RGL1: variants seen among roughly 807,000 people sequenced by gnomAD.
RGL1 encodes ral guanine nucleotide dissociation stimulator-like 1.
RGL1 carries 24 observed loss-of-function variants against 95.2 expected under a neutral mutation model. That is an observed-to-expected ratio of 0.25 (90% confidence interval 0.18 to 0.35). The LOEUF (loss-of-function observed/expected upper bound fraction) is 0.35, where lower values mean the gene tolerates loss of function less well. Ranked by LOEUF, RGL1 falls within the 10% of genes least tolerant of loss-of-function variation. RGL1 has a pLI of 1.00. For missense variants in RGL1, 715 were observed against 936.3 expected, an observed-to-expected ratio of 0.76 and a Z score of 3.08; for synonymous variants, 329 against 344.9, an observed-to-expected ratio of 0.95 and a Z score of 0.51.
At chr1:183,758,062 C>T (rs1352444977) in intron 2 of RGL1, among the ~76,000 whole-genome samples, 2 of 152,200 alleles carry the variant, frequency 1.3e-5, no homozygotes, top group African/African-American at 4.8e-5. Context: ...GAGTCATAAT[C>T]TTCTTCCATT....
chr1:183,686,866 A>G (rs2102097754), intron 1 of RGL1, among the ~76,000 whole-genome samples: 1 of 152,338 alleles, frequency 6.6e-6, no homozygotes, highest in Non-Finnish European at 1.5e-5. Flanking sequence ...TTGACTTGGC[A>G]ATAAAGAGAA....
chr1:183,690,422 G>T (rs1222738310), intron 1 of RGL1, among the ~76,000 whole-genome samples: 1 of 152,082 alleles, frequency 6.6e-6, no homozygotes, highest in Non-Finnish European at 1.5e-5. Context: ...AAGTCTTAAA[G>T]AAAGGGAAAA....
At chr1:183,738,324 G>A (rs530076359) in intron 1 of RGL1, among the ~76,000 whole-genome samples, 25 of 152,140 alleles carry the variant, frequency 1.6e-4, no homozygotes, top group Non-Finnish European at 3.5e-4. Context: ...GGGAGGCTGA[G>A]GCATGAGAAT....
Position 183,926,196 on chromosome 1 carries a change from A to T in RGL1, c.2211A>T (p.Glu737Asp). Residue 737 changes from glutamate (E) to aspartate (D), a missense_variant, in exon 18 of 18, where the codon GAA becomes GAT. Coordinates refer to ENST00000360851, the MANE Select transcript of RGL1 (RefSeq NM_001297671.3). ...TTTTGCGCAAAAAGAACTCCATGGA[A>T]GAACAAGTGAAACTGCGTAGCCGGA... ...DFILRKKNSM[E>D]EQVKLRSRTS... The T allele has an allele frequency of 1.2e-6, 2 of 1,614,140 alleles. No individual in the cohort carries two copies. The highest frequency in any genetic ancestry group is 1.7e-6 in the Non-Finnish European group (2 of 1,179,994).
chr1:183,817,297 T>C (rs571679720), intron 2 of RGL1, among the ~76,000 whole-genome samples: 3 of 152,350 alleles, frequency 2.0e-5, no homozygotes, highest in African/African-American at 7.2e-5. Flanking sequence ...CTATGTTTTC[T>C]TCTCTCTTTC....
chr1:183,656,244 G>A (rs1444096583), intron 1 of RGL1, among the ~76,000 whole-genome samples: 1 of 151,886 alleles, frequency 6.6e-6, no homozygotes. Context: ...TTTCCCCGTG[G>A]GATCTGAGAC....
At chr1:183,759,310 T>A (rs892070637) in intron 2 of RGL1, among the ~76,000 whole-genome samples, 2 of 152,160 alleles carry the variant, frequency 1.3e-5, no homozygotes, top group Admixed American at 1.3e-4. Context: ...ATGTTTGGGA[T>A]TGGTTAGTTT....
At chr1:183,877,597 G>T (rs555646874) in intron 4 of RGL1, among the ~76,000 whole-genome samples, 1 of 152,238 alleles carries the variant, frequency 6.6e-6, no homozygotes, top group East Asian at 1.9e-4. Flanking sequence ...GCTCTGCCTC[G>T]TGTTCTATTG....
intron 11 of RGL1, among the ~76,000 whole-genome samples, chr1:183,902,186 T>G (rs1283595087): frequency 6.6e-6 from 1 of 152,234 alleles, no homozygotes; most frequent in Non-Finnish European, 1.5e-5. Context: ...TGACTTCCCT[T>G]TTGATAAACC....
chr1:183,847,689 A>C lies in RGL1; in HGVS notation c.262A>C (p.Asn88His), dbSNP rs762374391. ...VENLLTAFGD[N>H]DFTYISIFLS... is the part of the protein sequence containing the mutation. ...GAACCTGCTGACAGCTTTTGGGGAC[A>C]ATGACTTTACCTATATCAGCATCTT... Residue 88 changes from asparagine to histidine, a missense_variant, in exon 3 of 18, where the codon AAT (asparagine) becomes CAT (histidine). Physicochemically the swap from Asn to His is moderately conservative, Grantham distance 68. This residue lies in a region of RGL1 where 381 missense variants were observed against 484.8 expected (regional missense o/e 0.79). Transcript: ENST00000360851. 3 of 1,614,144 alleles carry C rather than the reference A, an allele frequency of 1.9e-6. No homozygotes were observed. Among genetic ancestry groups the C allele is most frequent in the Non-Finnish European group, 1.7e-6 (2 of 1,179,972 alleles).
At chr1:183,663,984 G>A (rs1227550339) in intron 1 of RGL1, among the ~76,000 whole-genome samples, 1 of 147,534 alleles carries the variant, frequency 6.8e-6, no homozygotes, top group East Asian at 2.0e-4. Flanking sequence ...AGCACCGCAT[G>A]TTCTCACTCA....
intron 2 of RGL1, among the ~76,000 whole-genome samples, chr1:183,766,093 TA>T (rs111374919): frequency 0.021 from 2,977 of 142,754 alleles, 118 homozygotes; most frequent in African/African-American, 0.07. Flanking sequence ...ATAATAAAAT[TA>T]AAAAAAAAAA....
In RGL1 at chr1:183,926,344, A is replaced by G. The variant is rs543926252; in HGVS notation, c.*52A>G. ...GCCAAAGGCAGAGTGGGGCTGAGAA[A>G]CAGGCTGCGGTGATTGCAATTACCA... is the stretch of plus-strand genomic sequence containing the variant. On this transcript the variant is annotated 3_prime_UTR_variant, in exon 18 of 18. Coordinates refer to ENST00000360851, the MANE Select transcript of RGL1 (RefSeq NM_001297671.3). 4.5e-5 allele frequency: 68 copies of G among 1,511,168 alleles called. No homozygotes were observed. Among genetic ancestry groups the G allele is most frequent in the Non-Finnish European group, 5.8e-5 (64 of 1,112,492 alleles). The allele number at this position is 1,511,168 out of a possible 1,614,324, so 93.6% of individuals were successfully genotyped here. A position where few individuals can be genotyped will look rare whatever the true frequency, so the allele number is the denominator to read the frequency against.
chr1:183,674,589 T>C (rs892611916), intron 1 of RGL1, among the ~76,000 whole-genome samples: 13 of 152,232 alleles, frequency 8.5e-5, no homozygotes, highest in African/African-American at 2.7e-4. Context: ...CTATCTCTTT[T>C]AGGAAGCTCT....
intron 2 of RGL1, among the ~76,000 whole-genome samples, chr1:183,747,107 A>G (rs1657688074): frequency 6.6e-6 from 1 of 152,192 alleles, no homozygotes; most frequent in South Asian, 2.1e-4. Flanking sequence ...ATAGTGCTGC[A>G]ATAAACATAC....
At chr1:183,742,379 C>A in intron 2 of RGL1, 1 of 1,489,118 alleles carries the variant, frequency 6.7e-7, no homozygotes, top group Non-Finnish European at 9.3e-7. Context: ...CACCACAGGC[C>A]AGCTTGGCAA....
At chr1:183,753,509 A>G (rs1479433670) in intron 2 of RGL1, among the ~76,000 whole-genome samples, 1 of 152,246 alleles carries the variant, frequency 6.6e-6, no homozygotes, top group Non-Finnish European at 1.5e-5. Flanking sequence ...CAGCAAGAGC[A>G]GCAGCCAGAG....
At chr1:183,745,068 A>G (rs369496474) in intron 2 of RGL1, among the ~76,000 whole-genome samples, 4 of 152,130 alleles carry the variant, frequency 2.6e-5, no homozygotes, top group Admixed American at 6.6e-5. Context: ...AATATTGGCC[A>G]GTCTGTTTGT....
chr1:183,886,217 T>C (rs761353606), intron 7 of RGL1, among the ~76,000 whole-genome samples: 2 of 152,184 alleles, frequency 1.3e-5, no homozygotes, highest in Admixed American at 6.5e-5. Context: ...AGGTGGTCTG[T>C]TATTACAGAC....
Sources: gnomAD v4.1 joint callset for allele counts (sites outside exome capture counted in the v4.1 genomes callset) on GRCh38, gnomAD v4.1.1 for gene constraint, gnomAD v4.1.1 regional missense constraint, MANE v1.5 for transcripts, NCBI Gene and HGNC (gene_info 2026-07-23, HGNC 2026-07-21) for gene names.